The following SEC11A variants were observed in gnomAD, a reference collection of about 807,000 sequenced individuals.
The protein encoded by SEC11A is signal peptidase complex catalytic subunit SEC11A.
A neutral mutation model predicts 25.6 loss-of-function variants in SEC11A; 14 were observed. The observed-to-expected ratio is 0.55, with a 90% CI of 0.36 to 0.85. SEC11A has a LOEUF of 0.85. SEC11A is among the 40% of genes least tolerant of loss of function. The pLI, the probability that SEC11A is intolerant of heterozygous loss-of-function variation, is 0.01. For synonymous variants in SEC11A, 83 were observed against 76.4 expected (o/e 1.09, Z -0.45); for missense variants, 153 against 222.9 (o/e 0.69, Z 2.00).
intron 4 of SEC11A, among the ~76,000 whole-genome samples, chr15:84,676,920 A>G (rs1377535590): frequency 6.6e-6 from 1 of 152,044 alleles, no homozygotes; most frequent in African/African-American, 2.4e-5. Flanking sequence ...AGGAGAGCCA[A>G]TCTCTACAAA....
intron 4 of SEC11A, among the ~76,000 whole-genome samples, chr15:84,676,081 A>G (rs1897124713): frequency 6.6e-6 from 1 of 152,172 alleles, no homozygotes; most frequent in South Asian, 2.1e-4. Flanking sequence ...GATAGTGGTG[A>G]TGGTTGCACA....
At chr15:84,673,181 C>T (rs1483580345) in intron 4 of SEC11A, 15 of 174,890 alleles carry the variant, frequency 8.6e-5, no homozygotes, top group Middle Eastern at 2.7e-3. Context: ...AGGTGAGGGG[C>T]GCCTCTGCCC....
intron 3 of SEC11A, 99 bp downstream of exon 3, chr15:84,687,526 G>A (rs751200781): frequency 2.3e-5 from 22 of 952,952 alleles, no homozygotes; most frequent in Non-Finnish European, 2.7e-5. Context: ...AGGCCTAGAG[G>A]TTCCTCACTG....
chr15:84,678,539 T>C (rs943251628), intron 4 of SEC11A, among the ~76,000 whole-genome samples: 2 of 152,230 alleles, frequency 1.3e-5, no homozygotes, highest in Admixed American at 1.3e-4. Context: ...ATATGGTCTT[T>C]CCATACAGTG....
intron 1 of SEC11A, chr15:84,692,075 G>C (rs1897627726): frequency 6.7e-6 from 1 of 149,110 alleles, no homozygotes; most frequent in South Asian, 2.1e-4. Flanking sequence ...AGTCACCCAG[G>C]CTGGAGTACA....
intron 1 of SEC11A, among the ~76,000 whole-genome samples, chr15:84,707,854 G>C (rs181652680): frequency 3.3e-5 from 5 of 152,170 alleles, no homozygotes; most frequent in African/African-American, 1.2e-4. Context: ...TTGTTACTAT[G>C]GTACTATATT....
At chr15:84,693,574 T>C (rs568998011) in intron 1 of SEC11A, among the ~76,000 whole-genome samples, 4 of 151,690 alleles carry the variant, frequency 2.6e-5, no homozygotes, top group South Asian at 2.1e-4. Flanking sequence ...TCTCGTGCCA[T>C]AGCCTCCCAA....
intron 4 of SEC11A, among the ~76,000 whole-genome samples, chr15:84,680,131 C>A (rs1287208550): frequency 6.6e-6 from 1 of 150,434 alleles, no homozygotes; most frequent in Non-Finnish European, 1.5e-5. Context: ...ATAACGCCAT[C>A]TCTACTAAAA....
At chr15:84,691,458 T>A in intron 2 of SEC11A, 77 bp downstream of exon 2, 1 of 776,544 alleles carries the variant, frequency 1.3e-6, no homozygotes, top group South Asian at 1.6e-5. Context: ...GAGAATGATA[T>A]GCCAGTTATT....
intron 1 of SEC11A, among the ~76,000 whole-genome samples, chr15:84,694,819 CA>C (rs1897713550): frequency 6.6e-6 from 1 of 152,046 alleles, no homozygotes; most frequent in East Asian, 1.9e-4. Flanking sequence ...AGGCCGAGTG[CA>C]GTGGCTCACG....
At chr15:84,679,219 T>C in intron 4 of SEC11A, 1 of 1,165,698 alleles carries the variant, frequency 8.6e-7, no homozygotes, top group Non-Finnish European at 1.1e-6. Context: ...AGAGTTTAAA[T>C]AATCACATTA....
intron 1 of SEC11A, among the ~76,000 whole-genome samples, chr15:84,701,501 T>C (rs979255176): frequency 2.0e-5 from 3 of 148,444 alleles, no homozygotes; most frequent in Non-Finnish European, 4.5e-5. Flanking sequence ...ATTGAGATCA[T>C]GCCACTGCAC....
intron 2 of SEC11A, among the ~76,000 whole-genome samples, chr15:84,691,252 T>G (rs994937740): frequency 3.0e-4 from 46 of 151,958 alleles, no homozygotes; most frequent in African/African-American, 1.0e-3. Flanking sequence ...TTTTGTATTT[T>G]TTGTGGAGAC....
rs578104002 is a variant in SEC11A, at chr15:84,711,345, G to A, written c.51+4680C>T. 1.5e-4 allele frequency among the ~76,000 whole-genome samples: 23 copies of A among 151,750 alleles called. 1 individual carries two copies. In the South Asian group the frequency reaches 2.5e-3, roughly 17 times the overall value. The stretch of plus-strand genomic sequence containing the variant: ...TGCAGGGAGCCAAGATCCTGCCGCT[G>A]TACTCCAGCCTGGTCAACAGAGTGA... On this transcript the variant is annotated intron_variant, in intron 1 of 5. Transcript: ENST00000268220.
intron 1 of SEC11A, among the ~76,000 whole-genome samples, chr15:84,702,031 C>A (rs542637902): frequency 6.6e-6 from 1 of 151,650 alleles, no homozygotes; most frequent in Non-Finnish European, 1.5e-5. Context: ...CGTGCCACTG[C>A]ACTCCAGCCT....
Position 84,692,187 on chromosome 15 carries a change from G to A in SEC11A, c.52-543C>T, listed in dbSNP as rs148810206. 278 of 151,870 alleles carry A rather than the reference G, an allele frequency of 1.8e-3. 1 individual carries two copies. The highest frequency in any genetic ancestry group is 6.3e-3 in the African/African-American group (261 of 41,352). The allele number at this position is 151,870 out of a possible 1,614,324, so 9.4% of individuals were successfully genotyped here. A position where few individuals can be genotyped will look rare whatever the true frequency, so the allele number is the denominator to read the frequency against. On this transcript the variant is annotated intron_variant, in intron 1 of 5. Coordinates refer to ENST00000268220, the MANE Select transcript of SEC11A (RefSeq NM_014300.4). ...TGGGACTACAGGCATGCGTCATCAC[G>A]CCCAGCTAATTTTTTTGAATTTTTA...
At chr15:84,708,205 C>CAA (rs71132699) in intron 1 of SEC11A, among the ~76,000 whole-genome samples, 689 of 35,312 alleles carry the variant, frequency 0.02, 104 homozygotes, top group Non-Finnish European at 0.023. Flanking sequence ...GGCTCTGTCT[C>CAA]AAAAAAAAAA....
chr15:84,714,516 GA>G (rs566061637), intron 1 of SEC11A, among the ~76,000 whole-genome samples: 21 of 152,268 alleles, frequency 1.4e-4, no homozygotes, highest in Non-Finnish European at 2.6e-4. Context: ...GGTTGAAATG[GA>G]ATATTTTATG....
chr15:84,679,611 T>C lies in SEC11A; in HGVS notation c.431+1102A>G, dbSNP rs185969230. Among the ~76,000 whole-genome samples, 16 of 152,372 alleles carry C rather than the reference T, an allele frequency of 1.1e-4. No individual in the cohort carries two copies. The East Asian group carries it at 2.3e-3, about 22-fold the overall frequency. Reference sequence around the variant, plus strand: ...ACAGTGGCAAAAGTGCCATGTGGCATCTAACTAGTGAGAATTAGCAACTAT... The same window carrying C: ...ACAGTGGCAAAAGTGCCATGTGGCACCTAACTAGTGAGAATTAGCAACTAT... On this transcript the variant is annotated intron_variant, in intron 4 of 5. Coordinates refer to ENST00000268220, the MANE Select transcript of SEC11A (RefSeq NM_014300.4).
Sources: allele counts gnomAD v4.1 joint callset (sites outside exome capture counted in the v4.1 genomes callset), GRCh38; gene constraint gnomAD v4.1.1; transcripts MANE v1.5; gene names NCBI Gene and HGNC (gene_info 2026-07-23, HGNC 2026-07-21).